The following CNTN5 variants were observed in gnomAD, a reference collection of about 807,000 sequenced individuals.
CNTN5 encodes the protein contactin-5.
Under a neutral mutation model 129.1 loss-of-function variants are expected in CNTN5, and 77 were observed. The observed-to-expected ratio is 0.60, with a 90% CI of 0.50 to 0.72. CNTN5 has a LOEUF of 0.72. Among genes scored for constraint, CNTN5 ranks in the 30% least tolerant of loss-of-function variants. The probability of loss-of-function intolerance (pLI) is 0.00; values close to 1 mark genes in which losing one functional copy is unlikely to be tolerated. For missense variants in CNTN5, 1,478 were observed against 1,328.8 expected (o/e 1.11, Z -1.75); for synonymous variants, 509 against 465.6 (o/e 1.09, Z -1.20).
chr11:99,033,104 T>C (rs1296412117), intron 1 of CNTN5, among the ~76,000 whole-genome samples: 252 of 140,504 alleles, frequency 1.8e-3, no homozygotes, highest in East Asian at 4.0e-3. Flanking sequence ...TTCTGAGGGC[T>C]CTGTTCTGTT....
intron 8 of CNTN5, among the ~76,000 whole-genome samples, chr11:99,984,494 A>AT (rs974436650): frequency 2.8e-5 from 4 of 141,940 alleles, no homozygotes; most frequent in South Asian, 2.2e-4. Context: ...GATGGTGATG[A>AT]TTTTTTTGTT....
At chr11:100,024,610 G>A (rs137867943) in intron 9 of CNTN5, among the ~76,000 whole-genome samples, 2,037 of 152,272 alleles carry the variant, frequency 0.013, 44 homozygotes, top group African/African-American at 0.045. Flanking sequence ...TGATATGGAC[G>A]ATGAAGTCCA....
chr11:100,094,984 A>G (rs757642395), intron 13 of CNTN5, among the ~76,000 whole-genome samples: 1 of 152,164 alleles, frequency 6.6e-6, no homozygotes, highest in African/African-American at 2.4e-5. Flanking sequence ...TTGCACAAAT[A>G]TATTTAAAAA....
intron 3 of CNTN5, among the ~76,000 whole-genome samples, chr11:99,672,714 C>A (rs1366799682): frequency 6.6e-6 from 1 of 150,764 alleles, no homozygotes; most frequent in Non-Finnish European, 1.5e-5. Flanking sequence ...GAAGTGTTAT[C>A]AAGCCCTTTG....
chr11:99,476,459 T>C (rs2135294221), intron 2 of CNTN5, among the ~76,000 whole-genome samples: 1 of 152,272 alleles, frequency 6.6e-6, no homozygotes, highest in African/African-American at 2.4e-5. Flanking sequence ...AATGATCTTT[T>C]AAAAAATTAC....
intron 7 of CNTN5, among the ~76,000 whole-genome samples, chr11:99,927,887 C>T (rs1950099315): frequency 6.6e-6 from 1 of 152,094 alleles, no homozygotes; most frequent in African/African-American, 2.4e-5. Context: ...CTCAAAAGTC[C>T]AAGTCAAGTC....
In CNTN5 at chr11:99,834,695, T is replaced by C. The variant is rs565864196; in HGVS notation, c.278-10157T>C. Among the ~76,000 whole-genome samples, 3 of 152,322 alleles carry C rather than the reference T, an allele frequency of 2.0e-5. No homozygotes were observed. The East Asian group carries it at 5.8e-4, about 29-fold the overall frequency. On this transcript the variant is annotated intron_variant, in intron 4 of 24. Transcript: ENST00000524871. ...TTTAAAAACTTTGAGAACTGCTAGA[T>C]GGATGTAAGGTACTTTTTCTCCATT...
intron 3 of CNTN5, among the ~76,000 whole-genome samples, 168 bp from the exon 4 acceptor site, chr11:99,819,376 T>C (rs1946709595): frequency 6.9e-6 from 1 of 144,240 alleles, no homozygotes; most frequent in African/African-American, 2.6e-5. Context: ...TTTCAGAAAA[T>C]ATTAAAAAAT....
intron 3 of CNTN5, among the ~76,000 whole-genome samples, chr11:99,599,980 ATGACGGCAGGAC>A (rs1476654010): frequency 6.6e-6 from 1 of 152,178 alleles, no homozygotes; most frequent in African/African-American, 2.4e-5. Context: ...ACCTTTCCTG[ATGACGGCAGGAC>A]TGAAGTTGAC....
chr11:99,461,172 T>C (rs539555946), intron 2 of CNTN5, among the ~76,000 whole-genome samples: 1 of 152,094 alleles, frequency 6.6e-6, no homozygotes, highest in Admixed American at 6.6e-5. Flanking sequence ...AGATGATATA[T>C]AGTAACAGAA....
intron 6 of CNTN5, among the ~76,000 whole-genome samples, chr11:99,862,493 A>G (rs1948237969): frequency 6.6e-6 from 1 of 152,140 alleles, no homozygotes; most frequent in South Asian, 2.1e-4. Flanking sequence ...CAAAATGCAC[A>G]GTATTGTACA....
intron 1 of CNTN5, among the ~76,000 whole-genome samples, chr11:99,282,641 G>C (rs1015251867): frequency 6.6e-6 from 1 of 151,984 alleles, no homozygotes; most frequent in Non-Finnish European, 1.5e-5. Context: ...TTAAATCCTC[G>C]AATAAATCTG....
chr11:99,330,696 A>G (rs1865965138), intron 2 of CNTN5, among the ~76,000 whole-genome samples: 1 of 152,126 alleles, frequency 6.6e-6, no homozygotes, highest in Non-Finnish European at 1.5e-5. Flanking sequence ...CATATGCCTC[A>G]GTGCTGGAAG....
At chr11:99,633,392 T>A (rs1196937032) in intron 3 of CNTN5, among the ~76,000 whole-genome samples, 1 of 152,206 alleles carries the variant, frequency 6.6e-6, no homozygotes, top group Non-Finnish European at 1.5e-5. Context: ...AAAGGAGACA[T>A]TTCTCACATG....
intron 1 of CNTN5, among the ~76,000 whole-genome samples, chr11:99,134,811 T>C (rs1428427385): frequency 6.6e-6 from 1 of 152,166 alleles, no homozygotes; most frequent in Non-Finnish European, 1.5e-5. Flanking sequence ...ATAATAATAA[T>C]TAGGATCAGA....
At chr11:99,758,870 CAT>C (rs2135266461) in intron 3 of CNTN5, among the ~76,000 whole-genome samples, 1 of 152,068 alleles carries the variant, frequency 6.6e-6, no homozygotes, top group East Asian at 1.9e-4. Flanking sequence ...TTGAGAAAAA[CAT>C]GTAATAAATC....
At chr11:99,272,989 CAG>C (rs1173086845) in intron 1 of CNTN5, among the ~76,000 whole-genome samples, 1 of 151,768 alleles carries the variant, frequency 6.6e-6, no homozygotes, top group Non-Finnish European at 1.5e-5. Context: ...ACATTTCTAA[CAG>C]AGACACTGAA....
At position 99,795,407 on chromosome 11, in the gene CNTN5, T is replaced by C. The variant is rs181968804; in HGVS notation, c.56-24137T>C. ...TCTTTATTCCTATCCATATTCTGAA[T>C]TGTTTTTCTGTCATTTCAGCCATTT... On this transcript the variant is annotated intron_variant, in intron 3 of 24. Transcript: ENST00000524871. Among the ~76,000 whole-genome samples the C allele has an allele frequency of 6.6e-3, 998 of 152,302 alleles. 5 individuals carry two copies. Among genetic ancestry groups the C allele is most frequent in the Non-Finnish European group, 9.5e-3 (648 of 68,034 alleles).
chr11:99,722,926 C>G (rs1395591706), intron 3 of CNTN5, among the ~76,000 whole-genome samples: 3 of 152,046 alleles, frequency 2.0e-5, no homozygotes, highest in African/African-American at 7.2e-5. Flanking sequence ...CTCATTTCCT[C>G]AGACACTTAT....
Sources: allele counts gnomAD v4.1 joint callset (sites outside exome capture counted in the v4.1 genomes callset), GRCh38; gene constraint gnomAD v4.1.1; transcripts MANE v1.5; gene names NCBI Gene and HGNC (gene_info 2026-07-23, HGNC 2026-07-21).